ALG9: variants seen among roughly 807,000 people sequenced by gnomAD.
ALG9 encodes the protein alpha-1,2-mannosyltransferase ALG9.
In ALG9, 55 loss-of-function variants were observed where a neutral mutation model predicts 81.8. The ratio of observed to expected loss-of-function variants is 0.67; its 90% confidence interval spans 0.54 to 0.84. The LOEUF (loss-of-function observed/expected upper bound fraction) is 0.84, where lower values mean the gene tolerates loss of function less well. ALG9 is among the 40% of genes least tolerant of loss of function. ALG9 has a pLI of 0.00. For synonymous variants in ALG9, 278 were observed against 274.3 expected (o/e 1.01, Z -0.13); for missense variants, 629 against 745.0 (o/e 0.84, Z 1.81).
At chr11:111,840,833 A>G in intron 9 of ALG9, 24 bp from the exon 10 acceptor site, 1 of 1,613,524 alleles carries the variant, frequency 6.2e-7, no homozygotes. Context: ...AAAAATACCC[A>G]TCTTTCATTA....
chr11:111,844,835 G>A, intron 8 of ALG9, 112 bp from the exon 9 acceptor site: 6 of 1,193,192 alleles, frequency 5.0e-6, no homozygotes, highest in African/African-American at 1.5e-5. Flanking sequence ...TATGCCTCAT[G>A]GGAATGAGAG....
At chr11:111,819,160 G>GCC (rs1323067071) in intron 13 of ALG9, among the ~76,000 whole-genome samples, 2 of 152,226 alleles carry the variant, frequency 1.3e-5, no homozygotes, top group Non-Finnish European at 2.9e-5. Flanking sequence ...AGTTTAGAAT[G>GCC]CCATGTGGGG....
At chr11:111,862,255 T>TA (rs1960489215) in intron 4 of ALG9, among the ~76,000 whole-genome samples, 2 of 150,988 alleles carry the variant, frequency 1.3e-5, no homozygotes, top group Admixed American at 1.3e-4. Context: ...TTTTTTTTTT[T>TA]TAGAGAGAGT....
chr11:111,826,500 C>T (rs1592103545), intron 13 of ALG9, among the ~76,000 whole-genome samples: 1 of 151,702 alleles, frequency 6.6e-6, no homozygotes, highest in East Asian at 1.9e-4. Context: ...TCAACTCTTC[C>T]AGCTTTTTCT....
intron 1 of ALG9, chr11:111,870,770 C>T (rs1964068786): frequency 9.9e-7 from 1 of 1,010,596 alleles, no homozygotes. Flanking sequence ...CAACTAATCA[C>T]TCACTTGAAG....
chr11:111,852,151 G>A (rs1361752444), intron 8 of ALG9, among the ~76,000 whole-genome samples: 2 of 152,190 alleles, frequency 1.3e-5, no homozygotes, highest in African/African-American at 4.8e-5. Context: ...AAATTGACAG[G>A]AGTACAGATA....
At chr11:111,862,718 T>A (rs976935825) in intron 4 of ALG9, among the ~76,000 whole-genome samples, 1 of 150,214 alleles carries the variant, frequency 6.7e-6, no homozygotes, top group African/African-American at 2.4e-5. Flanking sequence ...TCATATTATA[T>A]AATATTACAT....
intron 14 of ALG9, among the ~76,000 whole-genome samples, chr11:111,793,278 G>A (rs958869541): frequency 4.6e-5 from 7 of 152,030 alleles, no homozygotes; most frequent in East Asian, 1.9e-4. Context: ...CACTGCACAC[G>A]GCCTGTGATT....
chr11:111,844,782 G>C, intron 8 of ALG9, 59 bp from the exon 9 acceptor site: 1 of 1,568,374 alleles, frequency 6.4e-7, no homozygotes, highest in South Asian at 1.1e-5. Flanking sequence ...CTATTACGGT[G>C]CTTGACATAT....
chr11:111,773,846 C>T, the ALG9 span, among the ~76,000 whole-genome samples: 1 of 150,746 alleles, frequency 6.6e-6, no homozygotes, highest in Non-Finnish European at 1.5e-5. Context: ...CCTCGATCTC[C>T]TGGGCTCAGG....
chr11:111,850,279 A>G (rs1242543026), intron 8 of ALG9, among the ~76,000 whole-genome samples: 1 of 152,174 alleles, frequency 6.6e-6, no homozygotes, highest in Non-Finnish European at 1.5e-5. Flanking sequence ...GATACCCCAG[A>G]ATTTATCCAT....
chr11:111,794,659 C>CCTAT (rs199928322), intron 14 of ALG9, among the ~76,000 whole-genome samples: 162 of 152,142 alleles, frequency 1.1e-3, no homozygotes, highest in Non-Finnish European at 1.6e-3. Flanking sequence ...TCTCTCTCTA[C>CCTAT]CTATCTATCT....
rs981632328 is a variant in ALG9, at chr11:111,820,924, A to G, written c.1603-11151T>C. Among the ~76,000 whole-genome samples, 195 of 147,174 alleles carry G rather than the reference A, an allele frequency of 1.3e-3. 1 individual carries two copies. Among genetic ancestry groups the G allele is most frequent in the Admixed American group, 2.2e-3 (32 of 14,864 alleles). On this transcript the variant is annotated intron_variant, in intron 13 of 14. Coordinates refer to ENST00000616540, the MANE Select transcript of ALG9 (RefSeq NM_024740.2). The stretch of plus-strand genomic sequence containing the variant: ...ACCCTGTCTCCAAACACGCGCGCAC[A>G]CACACACACACACACACACACACAA...
At chr11:111,769,864 G>T in the ALG9 span, among the ~76,000 whole-genome samples, 1 of 152,114 alleles carries the variant, frequency 6.6e-6, no homozygotes, top group Non-Finnish European at 1.5e-5. Context: ...ATCACAAGCT[G>T]AGAAAATAGG....
At chr11:111,800,677 C>A (rs1190435996) in intron 14 of ALG9, among the ~76,000 whole-genome samples, 1 of 152,144 alleles carries the variant, frequency 6.6e-6, no homozygotes, top group Non-Finnish European at 1.5e-5. Flanking sequence ...ACACATAACA[C>A]ATTTTGTAAT....
Position 111,837,467 on chromosome 11 carries a change from CT to C in ALG9, c.1472del (p.Asn491IlefsTer33). 9 of 1,614,066 alleles carry C rather than the reference CT, an allele frequency of 5.6e-6. No homozygotes were observed. The highest frequency in any genetic ancestry group is 7.6e-6 in the Non-Finnish European group (9 of 1,180,028). On this transcript the variant is annotated frameshift_variant and splice_region_variant, in exon 12 of 15. Coordinates refer to ENST00000616540, the MANE Select transcript of ALG9 (RefSeq NM_024740.2). LOFTEE classifies it high-confidence loss of function. ...ACCCTAGGAATTAAAGGACAACTTA[CT>C]TGTCAGGAAGAAGGAAGCTGCTGGG... ...RFPSSFLLPD[N>X]WQLQFIPSEF...
At chr11:111,844,886 G>A (rs541476419) in intron 8 of ALG9, among the ~76,000 whole-genome samples, 163 bp from the exon 9 acceptor site, 1 of 152,264 alleles carries the variant, frequency 6.6e-6, no homozygotes, top group East Asian at 1.9e-4. Context: ...CACAAAAGAA[G>A]CACAAGAGCG....
chr11:111,855,984 A>G (rs1257618100), intron 6 of ALG9, among the ~76,000 whole-genome samples: 2 of 152,192 alleles, frequency 1.3e-5, no homozygotes, highest in Non-Finnish European at 2.9e-5. Context: ...TATCTGTATA[A>G]TAATGTTCAC....
the ALG9 span, among the ~76,000 whole-genome samples, chr11:111,773,675 T>C: frequency 3.3e-5 from 5 of 151,278 alleles, no homozygotes; most frequent in African/African-American, 1.2e-4. Context: ...TATATACCAC[T>C]CGGAAAAAAA....
Sources: gnomAD v4.1 joint callset for allele counts (sites outside exome capture counted in the v4.1 genomes callset) on GRCh38, gnomAD v4.1.1 for gene constraint, MANE v1.5 for transcripts, NCBI Gene and HGNC (gene_info 2026-07-23, HGNC 2026-07-21) for gene names.